SUPT3H: variants seen among roughly 807,000 people sequenced by gnomAD.
The protein encoded by SUPT3H is SPT3 homolog, SAGA and STAGA complex component.
Under a neutral mutation model 44.3 loss-of-function variants are expected in SUPT3H, and 44 were observed. That is an observed-to-expected ratio of 0.99 (90% CI 0.78 to 1.28). The LOEUF is 1.28. Ranked by LOEUF, SUPT3H falls within the 50% of genes most tolerant of loss-of-function variation. The pLI, the probability that SUPT3H is intolerant of heterozygous loss-of-function variation, is 0.00. For synonymous variants in SUPT3H, 124 were observed against 125.6 expected (o/e 0.99, Z 0.09); for missense variants, 380 against 387.1 (o/e 0.98, Z 0.15).
chr6:45,197,196 G>A (rs550440841), intron 2 of SUPT3H, among the ~76,000 whole-genome samples: 1 of 151,616 alleles, frequency 6.6e-6, no homozygotes, highest in Non-Finnish European at 1.5e-5. Flanking sequence ...ATATTTTGAT[G>A]CATCCAATAA....
intron 10 of SUPT3H, among the ~76,000 whole-genome samples, chr6:44,902,836 G>A (rs1317742997): frequency 1.3e-5 from 2 of 152,172 alleles, no homozygotes; most frequent in African/African-American, 4.8e-5. Context: ...CTGTCTCTCA[G>A]ACCACAGTGC....
intron 6 of SUPT3H, among the ~76,000 whole-genome samples, chr6:44,984,909 C>T (rs370084837): frequency 1.4e-3 from 212 of 152,060 alleles, no homozygotes; most frequent in Non-Finnish European, 2.3e-3. Context: ...GGTAGAGGTG[C>T]CAAATTTTGC....
At chr6:44,865,161 C>A (rs1015104327) in intron 10 of SUPT3H, among the ~76,000 whole-genome samples, 2 of 152,218 alleles carry the variant, frequency 1.3e-5, no homozygotes, top group Non-Finnish European at 2.9e-5. Context: ...CAGTTCCCAA[C>A]AAGTTCCTCA....
intron 2 of SUPT3H, among the ~76,000 whole-genome samples, chr6:45,309,398 T>C (rs558837990): frequency 2.0e-5 from 3 of 151,550 alleles, no homozygotes; most frequent in Admixed American, 6.6e-5. Flanking sequence ...ATATCAGAAC[T>C]GATCAAGCAG....
At chr6:44,879,039 A>G (rs1362624043) in intron 10 of SUPT3H, among the ~76,000 whole-genome samples, 3 of 152,042 alleles carry the variant, frequency 2.0e-5, no homozygotes, top group Non-Finnish European at 4.4e-5. Context: ...AGTTTGTTTT[A>G]ATACCCCAGT....
intron 10 of SUPT3H, among the ~76,000 whole-genome samples, chr6:44,928,386 A>G (rs1450495838): frequency 6.6e-6 from 1 of 152,190 alleles, no homozygotes; most frequent in Non-Finnish European, 1.5e-5. Context: ...AAGGTTCTTT[A>G]GAGTGTGTAT....
Position 45,085,303 on chromosome 6 carries a change from A to G in SUPT3H, c.186+20619T>C, listed in dbSNP as rs140173665. On this transcript the variant is annotated intron_variant, in intron 3 of 10. Coordinates refer to ENST00000371459, the MANE Select transcript of SUPT3H (RefSeq NM_003599.4). ...AGCATCTCTATGCACCCAGAAACAA[A>G]GTATTTATATACATTTTTGCTATTG... is the stretch of plus-strand genomic sequence containing the variant. Among the ~76,000 whole-genome samples, 8 of 152,278 alleles carry G rather than the reference A, an allele frequency of 5.3e-5. No homozygotes were observed. The East Asian group carries it at 1.5e-3, about 29-fold the overall frequency.
chr6:44,825,009 A>G (rs546305373), downstream of SUPT3H, among the ~76,000 whole-genome samples: 1 of 152,342 alleles, frequency 6.6e-6, no homozygotes, highest in Admixed American at 6.5e-5. Context: ...GCTGCTGCAA[A>G]CACGTAAACA....
Position 44,972,082 on chromosome 6 carries a change from C to T in SUPT3H, c.505-10254G>A, listed in dbSNP as rs554695425. On this transcript the variant is annotated intron_variant, in intron 6 of 10. Coordinates refer to ENST00000371459, the MANE Select transcript of SUPT3H (RefSeq NM_003599.4). The stretch of plus-strand genomic sequence containing the variant: ...AGCCACTGCGCCCAGCCAACATCCC[C>T]CAAAGTCTTAACTCATTCCAGCATT... Among the ~76,000 whole-genome samples, 29 of 152,202 alleles carry T rather than the reference C, an allele frequency of 1.9e-4. No homozygotes were observed. The South Asian group carries it at 5.8e-3, about 31-fold the overall frequency.
chr6:44,953,320 TTG>T lies in SUPT3H; in HGVS notation c.789_790del (p.His263GlnfsTer4). The T allele has an allele frequency of 6.2e-7, 1 of 1,613,698 alleles. No individual in the cohort carries two copies. The highest frequency in any genetic ancestry group is 1.1e-5 in the South Asian group (1 of 91,060). ...TTTTTTTGTACTTACCTCAGCAGAG[TTG>T]TGATACTGAATGAAGGTTGCAGAAA... is the stretch of plus-strand genomic sequence containing the variant. On this transcript the variant is annotated frameshift_variant, in exon 9 of 11. Transcript: ENST00000371459. LOFTEE classifies it high-confidence loss of function.
chr6:45,004,563 A>T (rs543614709), intron 5 of SUPT3H, among the ~76,000 whole-genome samples: 1 of 151,926 alleles, frequency 6.6e-6, no homozygotes, highest in Non-Finnish European at 1.5e-5. Context: ...AAACATCTAT[A>T]AATTAAAATA....
At chr6:44,976,420 G>A (rs1778351414) in intron 6 of SUPT3H, among the ~76,000 whole-genome samples, 1 of 151,532 alleles carries the variant, frequency 6.6e-6, no homozygotes, top group Admixed American at 6.6e-5. Context: ...GGAGTGCAGT[G>A]GCGCAATCTT....
intron 2 of SUPT3H, among the ~76,000 whole-genome samples, chr6:45,326,971 T>C (rs1786451300): frequency 1.3e-5 from 2 of 151,890 alleles, no homozygotes; most frequent in African/African-American, 4.8e-5. Context: ...GCCTAGAAAA[T>C]TGGTCTGTTC....
intron 2 of SUPT3H, among the ~76,000 whole-genome samples, chr6:45,345,500 C>T (rs1790667303): frequency 6.6e-6 from 1 of 152,144 alleles, no homozygotes; most frequent in South Asian, 2.1e-4. Context: ...AACGCTCAAA[C>T]CTGCAGCTTA....
intron 3 of SUPT3H, among the ~76,000 whole-genome samples, chr6:45,043,180 C>CACACACAA (rs1378037009): frequency 6.6e-6 from 1 of 151,864 alleles, no homozygotes; most frequent in African/African-American, 2.4e-5. Context: ...CGCACACACA[C>CACACACAA]AAACACCAAA....
chr6:44,825,193 C>CATTG (rs1232267471), downstream of SUPT3H, among the ~76,000 whole-genome samples: 3 of 152,094 alleles, frequency 2.0e-5, no homozygotes, highest in African/African-American at 7.2e-5. Context: ...TTAGTATATT[C>CATTG]ATTGATTATA....
At chr6:45,129,458 G>C (rs990759827) in intron 2 of SUPT3H, among the ~76,000 whole-genome samples, 2 of 152,048 alleles carry the variant, frequency 1.3e-5, no homozygotes, top group African/African-American at 4.8e-5. Flanking sequence ...TCAAATTCTT[G>C]GTTTCCTTGT....
At chr6:45,126,826 G>T (rs1198399171) in intron 2 of SUPT3H, among the ~76,000 whole-genome samples, 1 of 152,102 alleles carries the variant, frequency 6.6e-6, no homozygotes, top group Non-Finnish European at 1.5e-5. Context: ...AATTTCTAAA[G>T]TTTAAATATC....
chr6:44,879,392 C>A (rs1392643664), intron 10 of SUPT3H, among the ~76,000 whole-genome samples: 2 of 152,236 alleles, frequency 1.3e-5, no homozygotes, highest in Non-Finnish European at 2.9e-5. Context: ...CCTCTCTGGG[C>A]AGGGCATCTC....
Sources: gnomAD v4.1 joint callset for allele counts (sites outside exome capture counted in the v4.1 genomes callset) on GRCh38, gnomAD v4.1.1 for gene constraint, MANE v1.5 for transcripts, NCBI Gene and HGNC (gene_info 2026-07-23, HGNC 2026-07-21) for gene names.